The following CFAP20DC variants were observed in gnomAD, a reference collection of about 807,000 sequenced individuals.
CFAP20DC encodes the protein protein CFAP20DC.
CFAP20DC carries 84 observed loss-of-function variants against 101.7 expected under a neutral mutation model. The ratio of observed to expected loss-of-function variants is 0.83; its 90% CI spans 0.69 to 0.99. CFAP20DC has a LOEUF of 0.99. Among genes scored for constraint, CFAP20DC ranks in the 50% least tolerant of loss-of-function variants. The pLI is 0.00. For synonymous variants in CFAP20DC, 359 were observed against 351.2 expected, an observed-to-expected ratio of 1.02 and a Z score of -0.25; for missense variants, 1,007 against 970.3, an observed-to-expected ratio of 1.04 and a Z score of -0.50.
chr3:59,034,452 CT>C (rs1352232445), intron 4 of CFAP20DC, among the ~76,000 whole-genome samples: 1 of 152,182 alleles, frequency 6.6e-6, no homozygotes, highest in Non-Finnish European at 1.5e-5. Context: ...GCAGATTCAT[CT>C]TCCATGCAAA....
At chr3:58,830,473 A>G (rs1488910178) in intron 14 of CFAP20DC, among the ~76,000 whole-genome samples, 2 of 152,220 alleles carry the variant, frequency 1.3e-5, no homozygotes, top group African/African-American at 2.4e-5. Context: ...AGTAAACTAG[A>G]TAACATGTAA....
chr3:58,765,468 A>G (rs542582313), intron 15 of CFAP20DC, among the ~76,000 whole-genome samples: 1 of 127,372 alleles, frequency 7.9e-6, no homozygotes, highest in Non-Finnish European at 1.6e-5. Flanking sequence ...AACACATTCT[A>G]GCCAAAAAAA....
In CFAP20DC at chr3:59,003,597, G is replaced by A. The variant is rs185523217; in HGVS notation, c.278+35960C>T. Among the ~76,000 whole-genome samples the A allele has an allele frequency of 2.1e-3, 323 of 152,234 alleles. 1 individual carries two copies. Among genetic ancestry groups the A allele is most frequent in the African/African-American group, 7.0e-3 (292 of 41,548 alleles). On this transcript the variant is annotated intron_variant, in intron 4 of 16. Transcript: ENST00000482387. ...GTTATAAGCCTATATACAAACAGAC[G>A]AAATCTCAACTTACTAGGACAAAAG...
At chr3:59,008,018 G>T (rs2093479032) in intron 4 of CFAP20DC, among the ~76,000 whole-genome samples, 3 of 152,144 alleles carry the variant, frequency 2.0e-5, no homozygotes, top group Admixed American at 2.0e-4. Context: ...AAGGGTCCTT[G>T]TTCCCCCCAG....
chr3:58,753,890 A>T, intron 15 of CFAP20DC, 27 bp from the exon 16 acceptor site: 1 of 1,460,618 alleles, frequency 6.8e-7, no homozygotes, highest in East Asian at 2.3e-5. Flanking sequence ...GTGAATGAGC[A>T]TGTCTGGAAT....
chr3:58,980,741 C>T (rs556699712), intron 4 of CFAP20DC, among the ~76,000 whole-genome samples: 3 of 152,252 alleles, frequency 2.0e-5, no homozygotes, highest in Non-Finnish European at 2.9e-5. Flanking sequence ...AAACCCACAG[C>T]GAATATCATA....
chr3:59,012,944 A>G (rs1223572496), intron 4 of CFAP20DC, among the ~76,000 whole-genome samples: 1 of 152,198 alleles, frequency 6.6e-6, no homozygotes, highest in Non-Finnish European at 1.5e-5. Flanking sequence ...GACATAAGTA[A>G]AAGTTTAATT....
At chr3:58,878,807 C>T (rs574930873) in intron 7 of CFAP20DC, among the ~76,000 whole-genome samples, 26 of 152,034 alleles carry the variant, frequency 1.7e-4, no homozygotes, top group African/African-American at 5.6e-4. Flanking sequence ...GTCAGGAGAT[C>T]GAGACCATCC....
rs1192221956 is a variant in CFAP20DC, at chr3:58,933,469, A to G, written c.393+4179T>C. ...TCCACCCCAAATCAACAGAATACAC[A>G]TTCTTTTCAGCACCACACCACACCT... On this transcript the variant is annotated intron_variant, in intron 5 of 16. Coordinates refer to ENST00000482387, the MANE Select transcript of CFAP20DC (RefSeq NM_001394063.1). 4.6e-5 allele frequency among the ~76,000 whole-genome samples: 7 copies of G among 152,214 alleles called. No homozygotes were observed. The East Asian group carries it at 1.2e-3, about 25-fold the overall frequency.
chr3:58,848,996 T>C (rs2077981618), intron 13 of CFAP20DC, 36 bp downstream of exon 13: 6 of 1,522,280 alleles, frequency 3.9e-6, no homozygotes, highest in Non-Finnish European at 5.3e-6. Flanking sequence ...GCAGGATGTA[T>C]TGCCGGCATC....
At chr3:58,906,231 C>T (rs777290259) in intron 6 of CFAP20DC, among the ~76,000 whole-genome samples, 2 of 152,154 alleles carry the variant, frequency 1.3e-5, no homozygotes, top group Admixed American at 6.6e-5. Context: ...TCCCCACTAC[C>T]GTCATTATTA....
intron 3 of CFAP20DC, among the ~76,000 whole-genome samples, chr3:58,735,381 G>A (rs1415471229): frequency 6.6e-6 from 1 of 152,210 alleles, no homozygotes; most frequent in Non-Finnish European, 1.5e-5. Context: ...ACCACATGGG[G>A]TTAAGGCAAG....
intron 6 of CFAP20DC, among the ~76,000 whole-genome samples, chr3:58,908,999 G>C (rs1307801198): frequency 3.3e-5 from 5 of 152,126 alleles, no homozygotes; most frequent in African/African-American, 1.2e-4. Flanking sequence ...GTTAGGGGAA[G>C]AAAGAAAGAA....
At chr3:58,786,278 T>C (rs904621033) in intron 15 of CFAP20DC, among the ~76,000 whole-genome samples, 8 of 152,158 alleles carry the variant, frequency 5.3e-5, no homozygotes, top group Admixed American at 3.3e-4. Flanking sequence ...TCCCACTTTA[T>C]ATTTGTGTTC....
At chr3:58,941,865 C>T (rs890716264) in intron 4 of CFAP20DC, among the ~76,000 whole-genome samples, 1 of 152,190 alleles carries the variant, frequency 6.6e-6, no homozygotes, top group Non-Finnish European at 1.5e-5. Flanking sequence ...CCTTTCATTT[C>T]TTTTTCTTGC....
At chr3:58,963,190 T>TTGTGTGTGTGTGTGTGTG (rs56234919) in intron 4 of CFAP20DC, among the ~76,000 whole-genome samples, 236 of 118,280 alleles carry the variant, frequency 2.0e-3, no homozygotes, top group East Asian at 6.2e-3. Context: ...GTTCAGTAGT[T>TTGTGTGTGTGTGTGTGTG]TGTGTGTGTG....
intron 4 of CFAP20DC, among the ~76,000 whole-genome samples, chr3:59,000,918 A>G (rs1195358682): frequency 1.3e-5 from 2 of 152,320 alleles, no homozygotes; most frequent in Non-Finnish European, 1.5e-5. Flanking sequence ...TGGAAATTCA[A>G]TCATAAAAAG....
intron 5 of CFAP20DC, among the ~76,000 whole-genome samples, chr3:58,936,664 T>C (rs2087682175): frequency 6.6e-6 from 1 of 152,108 alleles, no homozygotes; most frequent in East Asian, 1.9e-4. Context: ...CTCAGTAAAC[T>C]ATCGCAAGGA....
At chr3:58,855,317 C>T (rs1037365008) in intron 12 of CFAP20DC, among the ~76,000 whole-genome samples, 1 of 152,088 alleles carries the variant, frequency 6.6e-6, no homozygotes, top group South Asian at 2.1e-4. Flanking sequence ...GAATGGCGAT[C>T]ATTAAAAAGT....
Sources: gnomAD v4.1 joint callset for allele counts (sites outside exome capture counted in the v4.1 genomes callset) on GRCh38, gnomAD v4.1.1 for gene constraint, MANE v1.5 for transcripts, NCBI Gene and HGNC (gene_info 2026-07-23, HGNC 2026-07-21) for gene names.